CSMD1: variants seen among roughly 807,000 people sequenced by gnomAD.
The protein encoded by CSMD1 is CUB and sushi domain-containing protein 1.
CSMD1 carries 213 observed loss-of-function variants against 417.5 expected under a neutral mutation model. The ratio of observed to expected loss-of-function variants is 0.51; its 90% CI spans 0.46 to 0.57. The LOEUF (loss-of-function observed/expected upper bound fraction) is 0.57. Among genes scored for constraint, CSMD1 ranks in the 20% least tolerant of loss-of-function variants. The pLI is 0.00. For synonymous variants in CSMD1, 2,862 were observed against 1,736.8 expected (o/e 1.65, Z -16.11); for missense variants, 6,923 against 4,529.7 (o/e 1.53, Z -15.17).
At chr8:3,654,182 C>A (rs748559438) in intron 7 of CSMD1, among the ~76,000 whole-genome samples, 1 of 152,200 alleles carries the variant, frequency 6.6e-6, no homozygotes, top group African/African-American at 2.4e-5. Context: ...AGACATCATT[C>A]TCAGCAGTGT....
intron 22 of CSMD1, among the ~76,000 whole-genome samples, chr8:3,344,500 G>C (rs537620039): frequency 1.3e-5 from 2 of 152,112 alleles, no homozygotes; most frequent in Non-Finnish European, 2.9e-5. Flanking sequence ...AGCAGTCCTC[G>C]CTCCCAATAA....
chr8:2,944,368 C>A (rs2128914918), intron 68 of CSMD1, among the ~76,000 whole-genome samples: 1 of 152,276 alleles, frequency 6.6e-6, no homozygotes, highest in South Asian at 2.1e-4. Flanking sequence ...GTGGTCCCAG[C>A]AGCAGCAGTG....
chr8:4,118,119 A>T (rs1585351330), intron 3 of CSMD1, among the ~76,000 whole-genome samples: 1 of 152,144 alleles, frequency 6.6e-6, no homozygotes, highest in East Asian at 1.9e-4. Flanking sequence ...AGGTGTACAG[A>T]ATAGTGAGGA....
At chr8:4,175,683 A>G (rs1368932891) in intron 3 of CSMD1, among the ~76,000 whole-genome samples, 2 of 152,194 alleles carry the variant, frequency 1.3e-5, no homozygotes, top group Admixed American at 6.5e-5. Flanking sequence ...CTACATATAC[A>G]TAATGTCCTC....
intron 3 of CSMD1, among the ~76,000 whole-genome samples, chr8:4,096,793 C>G (rs369195153): frequency 6.6e-6 from 1 of 152,154 alleles, no homozygotes; most frequent in Non-Finnish European, 1.5e-5. Flanking sequence ...GAGTTGCACT[C>G]CGACGCTGTC....
intron 18 of CSMD1, among the ~76,000 whole-genome samples, chr8:3,384,413 C>T (rs1045609436): frequency 1.3e-5 from 2 of 151,550 alleles, no homozygotes; most frequent in South Asian, 2.1e-4. Flanking sequence ...AATTAAGTTT[C>T]TGTACAGACA....
chr8:3,639,962 T>C (rs1225298147), intron 7 of CSMD1, among the ~76,000 whole-genome samples: 2 of 152,252 alleles, frequency 1.3e-5, no homozygotes, highest in Non-Finnish European at 2.9e-5. Context: ...TCTTGTTCAC[T>C]ATTTTATGGC....
chr8:4,801,494 C>T (rs561507083), intron 1 of CSMD1, among the ~76,000 whole-genome samples: 2 of 151,900 alleles, frequency 1.3e-5, no homozygotes, highest in South Asian at 2.1e-4. Context: ...TTGAGGGGCG[C>T]AAGTACTTAA....
intron 1 of CSMD1, among the ~76,000 whole-genome samples, chr8:4,816,853 G>C (rs1182911455): frequency 6.6e-6 from 1 of 152,094 alleles, no homozygotes; most frequent in Non-Finnish European, 1.5e-5. Flanking sequence ...TATACAGGAA[G>C]CAAGTCATAT....
At chr8:3,909,848 T>C (rs773045738) in intron 5 of CSMD1, among the ~76,000 whole-genome samples, 4 of 152,180 alleles carry the variant, frequency 2.6e-5, no homozygotes, top group Non-Finnish European at 5.9e-5. Context: ...ACGTATGTCC[T>C]GCTGTATACA....
At chr8:4,602,780 A>G (rs1457362033) in intron 2 of CSMD1, among the ~76,000 whole-genome samples, 2 of 152,154 alleles carry the variant, frequency 1.3e-5, no homozygotes, top group Non-Finnish European at 2.9e-5. Flanking sequence ...CATTGTCTAA[A>G]TGATGCCTTA....
intron 3 of CSMD1, among the ~76,000 whole-genome samples, chr8:4,243,207 G>A (rs1802503980): frequency 6.6e-6 from 1 of 152,038 alleles, no homozygotes; most frequent in African/African-American, 2.4e-5. Flanking sequence ...ACATGGCAGA[G>A]CGATTGGCTA....
At position 3,536,672 on chromosome 8, in the gene CSMD1, G is replaced by C. The variant is rs149045334; in HGVS notation, c.1344+38273C>G. On this transcript the variant is annotated intron_variant, in intron 10 of 69. Coordinates refer to ENST00000635120, the MANE Select transcript of CSMD1 (RefSeq NM_033225.6). ...TCTAGTGGCAGTGGTCAGAAGTGTA[G>C]GCACAGAGCAATAGGATCTGTGCCC... Among the ~76,000 whole-genome samples, 360 of 152,248 alleles carry C rather than the reference G, an allele frequency of 2.4e-3. 4 individuals carry two copies. The highest frequency in any genetic ancestry group is 8.1e-3 in the African/African-American group (337 of 41,562).
At chr8:4,702,101 C>A (rs1021001272) in intron 1 of CSMD1, among the ~76,000 whole-genome samples, 11 of 152,180 alleles carry the variant, frequency 7.2e-5, no homozygotes, top group Admixed American at 4.6e-4. Context: ...CATACTGGAG[C>A]CTGTCAGGGA....
At chr8:3,257,664 C>T (rs1048697082) in intron 26 of CSMD1, among the ~76,000 whole-genome samples, 5 of 152,086 alleles carry the variant, frequency 3.3e-5, no homozygotes, top group African/African-American at 1.2e-4. Context: ...GCCAAGGCTA[C>T]TGAGAAGGAG....
chr8:3,006,932 T>C (rs1312860238), intron 52 of CSMD1, among the ~76,000 whole-genome samples: 2 of 141,084 alleles, frequency 1.4e-5, no homozygotes, highest in African/African-American at 3.1e-5. Flanking sequence ...TGGGATCTAA[T>C]TAAACTAAAG....
intron 5 of CSMD1, among the ~76,000 whole-genome samples, chr8:3,972,118 G>A (rs1452565801): frequency 2.0e-5 from 3 of 152,082 alleles, no homozygotes; most frequent in Non-Finnish European, 4.4e-5. Flanking sequence ...AGATCCTCCT[G>A]CCTGGGACGG....
At chr8:4,792,784 C>T (rs557957631) in intron 1 of CSMD1, among the ~76,000 whole-genome samples, 2 of 152,220 alleles carry the variant, frequency 1.3e-5, no homozygotes, top group East Asian at 1.9e-4. Context: ...CAGTACCATG[C>T]GTTCCAGGCG....
intron 3 of CSMD1, among the ~76,000 whole-genome samples, chr8:4,372,947 G>C (rs962857077): frequency 6.6e-6 from 1 of 152,196 alleles, no homozygotes; most frequent in African/African-American, 2.4e-5. Flanking sequence ...ATTTGCTTCC[G>C]AAGAGTGCAG....
Sources: allele counts gnomAD v4.1 joint callset (sites outside exome capture counted in the v4.1 genomes callset), GRCh38; gene constraint gnomAD v4.1.1; transcripts MANE v1.5; gene names NCBI Gene and HGNC (gene_info 2026-07-23, HGNC 2026-07-21).